The following AGPAT3 variants were observed in gnomAD, a reference collection of about 807,000 sequenced individuals.
AGPAT3 encodes 1-acylglycerol-3-phosphate O-acyltransferase 3, also known as 1-acyl-sn-glycerol-3-phosphate acyltransferase gamma.
AGPAT3 carries 5 observed loss-of-function variants against 47.3 expected under a neutral mutation model. That is an observed-to-expected ratio of 0.11 (90% CI 0.06 to 0.22). The LOEUF (loss-of-function observed/expected upper bound fraction) is 0.22. Among genes scored for constraint, AGPAT3 ranks in the 10% least tolerant of loss-of-function variants. The probability of loss-of-function intolerance (pLI) is 1.00; values close to 1 mark genes in which losing one functional copy is unlikely to be tolerated. For synonymous variants in AGPAT3, 212 were observed against 208.3 expected, an observed-to-expected ratio of 1.02 and a Z score of -0.15; for missense variants, 315 against 493.0, an observed-to-expected ratio of 0.64 and a Z score of 3.42.
In AGPAT3 at chr21:43,986,981, C is replaced by T. The variant is rs944989213; in HGVS notation, c.*4589C>T. 6.6e-6 allele frequency among the ~76,000 whole-genome samples: 1 copy of T among 152,188 alleles called. No homozygotes were observed. Among genetic ancestry groups the T allele is most frequent in the East Asian group, 1.9e-4 (1 of 5,200 alleles). On this transcript the variant is annotated 3_prime_UTR_variant, in exon 10 of 10. Transcript: ENST00000291572. ...GGCCTGTGTCCCAAAGGCCTGGCTG[C>T]GTTTGCCGTGCTGTGCGAGGACCTG...
chr21:43,907,957 C>T (rs909127159), intron 2 of AGPAT3, among the ~76,000 whole-genome samples: 2 of 152,194 alleles, frequency 1.3e-5, no homozygotes, highest in African/African-American at 2.4e-5. Context: ...TGCTGGAGAC[C>T]CCACGGGACC....
chr21:43,975,195 C>T (rs893522173), intron 7 of AGPAT3, among the ~76,000 whole-genome samples: 24 of 146,398 alleles, frequency 1.6e-4, no homozygotes, highest in African/African-American at 1.3e-4. Context: ...CATGTGCTAA[C>T]GTGTGGTGTG....
At position 43,955,366 on chromosome 21, in the gene AGPAT3, C is replaced by T; in HGVS notation, c.-48-4268C>T. On this transcript the variant is annotated intron_variant, in intron 2 of 9. Transcript: ENST00000291572. This position sits in a 1 kb window ranked among gnomAD's most constrained non-coding sequence, Gnocchi z 4.1. The stretch of plus-strand genomic sequence containing the variant: ...ACAGGCGGCTTAGCTTGTCAACACC[C>T]ATAACGCTATGCACGGACACTCGGC... The T allele has an allele frequency of 2.1e-6, 1 of 471,724 alleles. No individual in the cohort carries two copies. The highest frequency in any genetic ancestry group is 2.9e-5 in the South Asian group (1 of 34,086). The allele number at this position is 471,724 out of a possible 1,614,324, so 29.2% of individuals were successfully genotyped here.
intron 1 of AGPAT3, among the ~76,000 whole-genome samples, chr21:43,888,859 T>C (rs1423098019): frequency 1.3e-5 from 2 of 152,070 alleles, no homozygotes; most frequent in Middle Eastern, 3.2e-3. Context: ...CATGGTGGCA[T>C]GCGCCTGTAA....
At position 43,984,065 on chromosome 21, in the gene AGPAT3, C is replaced by T. The variant is rs1012752919; in HGVS notation, c.*1673C>T. 1.3e-5 allele frequency: 2 copies of T among 152,294 alleles called. No homozygotes were observed. The highest frequency in any genetic ancestry group is 2.9e-5 in the Non-Finnish European group (2 of 68,072). 9.4% of individuals were successfully genotyped at this position (152,294 alleles called of 1,614,324 possible). A position where few individuals can be genotyped will look rare whatever the true frequency, so the allele number is the denominator to read the frequency against. ...TCTCAGGGCGTGTGCGGGACGCCAC[C>T]TGTGCACACCTGCTCAGAGCACGGC... On this transcript the variant is annotated 3_prime_UTR_variant, in exon 10 of 10. Transcript: ENST00000291572.
In AGPAT3 at chr21:43,910,518, T is replaced by C. The variant is rs116954058; in HGVS notation, c.-49+6499T>C. On this transcript the variant is annotated intron_variant, in intron 2 of 9. Transcript: ENST00000291572. The stretch of plus-strand genomic sequence containing the variant: ...ATTAGTCCTAATTAGGTGAATTAAG[T>C]GAATTAGGTGAAGTCCTAATACAGT... 6.0e-3 allele frequency among the ~76,000 whole-genome samples: 912 copies of C among 152,308 alleles called. 6 individuals are homozygous for C. Among genetic ancestry groups the C allele is most frequent in the Middle Eastern group, 0.014 (4 of 294 alleles).
At chr21:43,911,510 C>T (rs532332524) in intron 2 of AGPAT3, among the ~76,000 whole-genome samples, 4 of 152,346 alleles carry the variant, frequency 2.6e-5, no homozygotes, top group South Asian at 4.1e-4. Context: ...TGGGTGACCC[C>T]GCCTGGCCCA....
chr21:43,946,654 T>C (rs2087904214), intron 2 of AGPAT3, among the ~76,000 whole-genome samples: 1 of 152,122 alleles, frequency 6.6e-6, no homozygotes, highest in African/African-American at 2.4e-5. Flanking sequence ...TGAATAAGTA[T>C]GCAGCAAATA....
rs1434923576 is a variant in AGPAT3 at position 43,985,366 on chromosome 21, A to G, written c.*2974A>G. ...CGCTGAACAAATCACTAAATAACACAAAACAACAATGTAAGCAGCACTTTC... is the reference window on the plus strand; with the variant it reads ...CGCTGAACAAATCACTAAATAACACGAAACAACAATGTAAGCAGCACTTTC... On this transcript the variant is annotated 3_prime_UTR_variant, in exon 10 of 10. Transcript: ENST00000291572. The G allele has an allele frequency of 2.9e-6, 1 of 341,544 alleles. No homozygotes were observed. The highest frequency in any genetic ancestry group is 5.8e-6 in the Non-Finnish European group (1 of 172,520). The allele number at this position is 341,544 out of a possible 1,614,324, so 21.2% of individuals were successfully genotyped here. A position where few individuals can be genotyped will look rare whatever the true frequency, so the allele number is the denominator to read the frequency against.
chr21:43,887,182 G>T (rs561960590), intron 1 of AGPAT3, among the ~76,000 whole-genome samples: 2 of 152,204 alleles, frequency 1.3e-5, no homozygotes, highest in Non-Finnish European at 2.9e-5. Context: ...AGTAGTACTG[G>T]CTGTCACTCC....
At chr21:43,974,385 G>A (rs1388637035) in intron 7 of AGPAT3, among the ~76,000 whole-genome samples, 1 of 151,284 alleles carries the variant, frequency 6.6e-6, no homozygotes, top group Middle Eastern at 3.2e-3. Flanking sequence ...TGTGTGTGTG[G>A]TGTGTGAGGT....
intron 2 of AGPAT3, among the ~76,000 whole-genome samples, chr21:43,926,165 G>A (rs2087046368): frequency 6.6e-6 from 1 of 152,238 alleles, no homozygotes; most frequent in African/African-American, 2.4e-5. Flanking sequence ...CGCTGGGTCA[G>A]CACCAGGGTA....
At chr21:43,979,776 G>A (rs1469401857) in intron 8 of AGPAT3, among the ~76,000 whole-genome samples, 1 of 152,168 alleles carries the variant, frequency 6.6e-6, no homozygotes, top group Non-Finnish European at 1.5e-5. Context: ...GGACACTCGG[G>A]GACATTCCGG....
chr21:43,970,632 C>T lies in AGPAT3; in HGVS notation c.511-21C>T. On this transcript the variant is annotated intron_variant, in intron 5 of 9. Transcript: ENST00000291572. This position sits in a 1 kb window ranked among gnomAD's most constrained non-coding sequence, Gnocchi z 5.8. Reference sequence around the variant, plus strand: ...ACCCCAGCTGCTCTGTGGAGTGACCCTGTCTCCGTGTTGATCCTAGTTTCT... The same window carrying T: ...ACCCCAGCTGCTCTGTGGAGTGACCTTGTCTCCGTGTTGATCCTAGTTTCT... 1 of 1,612,712 alleles carries T rather than the reference C, an allele frequency of 6.2e-7. No individual in the cohort carries two copies.
intron 2 of AGPAT3, among the ~76,000 whole-genome samples, chr21:43,931,183 A>G (rs2087228947): frequency 6.6e-6 from 1 of 152,036 alleles, no homozygotes; most frequent in South Asian, 2.1e-4. Context: ...TTTAGAAATG[A>G]TGTCACACTG....
chr21:43,983,174 C>T lies in AGPAT3; in HGVS notation c.*782C>T, dbSNP rs1393308881. 1 of 152,264 alleles carries T rather than the reference C, an allele frequency of 6.6e-6. No individual in the cohort carries two copies. The highest frequency in any genetic ancestry group is 2.4e-5 in the African/African-American group (1 of 41,448). The allele number at this position is 152,264 out of a possible 1,614,324, so 9.4% of individuals were successfully genotyped here. On this transcript the variant is annotated 3_prime_UTR_variant, in exon 10 of 10. Coordinates refer to ENST00000291572, the MANE Select transcript of AGPAT3 (RefSeq NM_020132.5). ...GCTCTCATGGCTGTCAGATCCTGGT[C>T]CCTCCACACTGGGTGCTGGGGAGGG...
chr21:43,978,010 T>G, intron 7 of AGPAT3, 36 bp from the exon 8 acceptor site: 1 of 1,557,866 alleles, frequency 6.4e-7, no homozygotes, highest in Non-Finnish European at 8.8e-7. Context: ...GGTCATGTGG[T>G]GATTCACCCT....
intron 2 of AGPAT3, among the ~76,000 whole-genome samples, chr21:43,929,329 C>T (rs1160687105): frequency 1.3e-5 from 2 of 152,208 alleles, no homozygotes; most frequent in African/African-American, 2.4e-5. Context: ...CATAGTAACC[C>T]GCGCCCTGTC....
chr21:43,951,379 C>T (rs911986814), intron 2 of AGPAT3, among the ~76,000 whole-genome samples: 3 of 152,244 alleles, frequency 2.0e-5, no homozygotes, highest in Admixed American at 6.5e-5. Flanking sequence ...GTGCTTTTGG[C>T]ATCCTGAAAT....
Sources: allele counts gnomAD v4.1 joint callset (sites outside exome capture counted in the v4.1 genomes callset), GRCh38; gene constraint gnomAD v4.1.1; non-coding constraint Gnocchi (gnomAD v3.1); transcripts MANE v1.5; gene names NCBI Gene and HGNC (gene_info 2026-07-23, HGNC 2026-07-21).